Variants in TYW1B observed in about 807,000 individuals in gnomAD.
TYW1B encodes tRNA-yW synthesizing protein 1 homolog B.
TYW1B carries 73 observed loss-of-function variants against 86.9 expected under a neutral mutation model. That is an observed-to-expected ratio of 0.84 (90% CI 0.70 to 1.02). The LOEUF (loss-of-function observed/expected upper bound fraction) is 1.02, where lower values mean the gene tolerates loss of function less well. TYW1B is among the 50% of genes least tolerant of loss of function. The pLI is 0.00. For synonymous variants in TYW1B, 248 were observed against 292.8 expected, an observed-to-expected ratio of 0.85 and a Z score of 1.56; for missense variants, 637 against 827.4, an observed-to-expected ratio of 0.77 and a Z score of 2.82.
At chr7:72,595,991 C>G (rs1811521023) in intron 13 of TYW1B, among the ~76,000 whole-genome samples, 1 of 151,652 alleles carries the variant, frequency 6.6e-6, no homozygotes, top group Non-Finnish European at 1.5e-5. Flanking sequence ...GCCTGGCCAA[C>G]ATGGTGAAAT....
chr7:72,710,813 TA>T (rs782050078), intron 10 of TYW1B, among the ~76,000 whole-genome samples: 1 of 152,158 alleles, frequency 6.6e-6, no homozygotes, highest in Non-Finnish European at 1.5e-5. Context: ...GTCTCAAAAA[TA>T]AATAAACAAA....
At chr7:72,780,716 A>G (rs1485744522) in intron 6 of TYW1B, among the ~76,000 whole-genome samples, 1 of 152,178 alleles carries the variant, frequency 6.6e-6, no homozygotes, top group Non-Finnish European at 1.5e-5. Context: ...AAAGGTCTTG[A>G]GCACTCAGGA....
At chr7:72,731,036 G>T (rs1207482574) in intron 8 of TYW1B, among the ~76,000 whole-genome samples, 1 of 145,270 alleles carries the variant, frequency 6.9e-6, no homozygotes, top group Non-Finnish European at 1.5e-5. Flanking sequence ...CACGTCACAT[G>T]TAAGGAAACC....
chr7:72,632,744 T>C (rs2129568833), intron 11 of TYW1B, among the ~76,000 whole-genome samples: 1 of 151,788 alleles, frequency 6.6e-6, no homozygotes, highest in East Asian at 1.9e-4. Flanking sequence ...GCAGCTGTTG[T>C]TATAAAGTGC....
At chr7:72,690,574 C>T (rs1814123560) in intron 11 of TYW1B, among the ~76,000 whole-genome samples, 1 of 152,102 alleles carries the variant, frequency 6.6e-6, no homozygotes, top group African/African-American at 2.4e-5. Context: ...TGGGACAAAT[C>T]AAAATTTTTT....
intron 3 of TYW1B, among the ~76,000 whole-genome samples, chr7:72,811,932 A>AGG (rs1563103072): frequency 1.5e-5 from 2 of 131,228 alleles, no homozygotes; most frequent in African/African-American, 5.4e-5. Flanking sequence ...AAAAAAAAAA[A>AGG]AAAGGAAAAG....
Position 72,689,077 on chromosome 7 carries a change from G to T in TYW1B, c.1506+5610C>A, listed in dbSNP as rs371394042. The stretch of plus-strand genomic sequence containing the variant: ...TGGATAGGGGTCCCACGGTTTACAT[G>T]AAAGTTAAAGCCTTCAAAAAAGTGG... On this transcript the variant is annotated intron_variant, in intron 11 of 13. Transcript: ENST00000620995. Among the ~76,000 whole-genome samples the T allele has an allele frequency of 2.0e-5, 3 of 152,116 alleles. No individual in the cohort carries two copies. In the South Asian group the frequency reaches 6.2e-4, roughly 32 times the overall value.
chr7:72,721,339 T>C (rs1317589165), intron 9 of TYW1B, among the ~76,000 whole-genome samples: 2 of 152,236 alleles, frequency 1.3e-5, no homozygotes, highest in South Asian at 2.1e-4. Context: ...TCCACAATGG[T>C]TGAACTAGTT....
chr7:72,752,756 C>A (rs1787522202), intron 7 of TYW1B, among the ~76,000 whole-genome samples: 2 of 151,456 alleles, frequency 1.3e-5, no homozygotes. Flanking sequence ...AACAAACAAA[C>A]AAAAAAACCT....
intron 10 of TYW1B, among the ~76,000 whole-genome samples, chr7:72,699,036 C>G (rs1163456063): frequency 1.3e-5 from 2 of 149,250 alleles, no homozygotes; most frequent in Non-Finnish European, 1.5e-5. Context: ...CTGGAGGGAA[C>G]AGAAGATGGA....
At chr7:72,707,743 G>A (rs1436895386) in intron 10 of TYW1B, among the ~76,000 whole-genome samples, 1 of 152,184 alleles carries the variant, frequency 6.6e-6, no homozygotes, top group Admixed American at 6.6e-5. Flanking sequence ...CTAAGGGGCA[G>A]AACTGTCAGT....
intron 11 of TYW1B, among the ~76,000 whole-genome samples, chr7:72,630,236 G>A (rs1304127150): frequency 1.3e-5 from 2 of 152,044 alleles, no homozygotes; most frequent in African/African-American, 4.8e-5. Context: ...CTGAGATCAT[G>A]CCACTGCACT....
intron 2 of TYW1B, among the ~76,000 whole-genome samples, chr7:72,816,421 T>C (rs1415865081): frequency 2.0e-5 from 3 of 151,624 alleles, no homozygotes; most frequent in East Asian, 3.9e-4. Flanking sequence ...GTGAAAAGAA[T>C]GGGAAACATG....
intron 12 of TYW1B, among the ~76,000 whole-genome samples, chr7:72,622,630 AACACAC>A (rs1170160659): frequency 6.6e-5 from 10 of 151,742 alleles, no homozygotes; most frequent in Admixed American, 6.6e-4. Flanking sequence ...CACAAACACA[AACACAC>A]ACACATACAG....
At chr7:72,620,845 C>T (rs763995917) in intron 12 of TYW1B, among the ~76,000 whole-genome samples, 1 of 152,150 alleles carries the variant, frequency 6.6e-6, no homozygotes, top group African/African-American at 2.4e-5. Flanking sequence ...ATGGGTACAG[C>T]GTGGTGATGG....
intron 6 of TYW1B, among the ~76,000 whole-genome samples, chr7:72,786,326 G>A (rs1335457882): frequency 6.6e-6 from 1 of 152,062 alleles, no homozygotes; most frequent in Admixed American, 6.6e-5. Flanking sequence ...CTTTCCCAAA[G>A]ATCTGATGAT....
chr7:72,578,548 A>C (rs1276000911), intron 13 of TYW1B, among the ~76,000 whole-genome samples: 3 of 152,166 alleles, frequency 2.0e-5, no homozygotes, highest in Non-Finnish European at 4.4e-5. Context: ...TTCACTGTGT[A>C]TTCATGACAG....
chr7:72,815,319 G>C, intron 3 of TYW1B, 61 bp downstream of exon 3: 6 of 1,384,380 alleles, frequency 4.3e-6, no homozygotes, highest in Non-Finnish European at 4.9e-6. Flanking sequence ...TAAATTTACT[G>C]TGAAGATTGC....
chr7:72,712,737 G>A (rs1157641125), intron 10 of TYW1B, among the ~76,000 whole-genome samples: 2 of 152,062 alleles, frequency 1.3e-5, no homozygotes, highest in East Asian at 3.8e-4. Flanking sequence ...GCTGCTTCTT[G>A]TCTCCCCAAT....
Sources: gnomAD v4.1 joint callset for allele counts (sites outside exome capture counted in the v4.1 genomes callset) on GRCh38, gnomAD v4.1.1 for gene constraint, MANE v1.5 for transcripts, NCBI Gene and HGNC (gene_info 2026-07-23, HGNC 2026-07-21) for gene names.